The following KIF1B variants were observed in gnomAD, a reference collection of about 807,000 sequenced individuals.
The protein encoded by KIF1B is kinesin family member 1B.
A neutral mutation model predicts 241.9 loss-of-function variants in KIF1B; 76 were observed. The observed-to-expected ratio is 0.31, with a 90% CI of 0.26 to 0.38. KIF1B has a LOEUF of 0.38. Among genes scored for constraint, KIF1B ranks in the 10% least tolerant of loss-of-function variants. The pLI is 1.00. For synonymous variants in KIF1B, 750 were observed against 796.7 expected, an observed-to-expected ratio of 0.94 and a Z score of 0.99; for missense variants, 1,622 against 2,271.4, an observed-to-expected ratio of 0.71 and a Z score of 5.81.
chr1:10,311,738 T>C (rs1651074996), intron 22 of KIF1B, among the ~76,000 whole-genome samples: 1 of 151,394 alleles, frequency 6.6e-6, no homozygotes, highest in Admixed American at 6.6e-5. Context: ...CTTCTTTTCC[T>C]TGAACCTTTC....
chr1:10,231,840 T>G (rs1429495698), intron 1 of KIF1B, among the ~76,000 whole-genome samples: 2 of 152,220 alleles, frequency 1.3e-5, no homozygotes, highest in Admixed American at 6.5e-5. Flanking sequence ...CCTGTTACTT[T>G]GTAGTTACGT....
At chr1:10,371,326 C>G (rs1638727249) in intron 45 of KIF1B, 64 bp downstream of exon 45, 40 of 1,586,758 alleles carry the variant, frequency 2.5e-5, no homozygotes, top group Non-Finnish European at 3.3e-5. Flanking sequence ...CAACCTTCCT[C>G]TAGCTCAATG....
chr1:10,260,662 C>A (rs1286773505), intron 4 of KIF1B, among the ~76,000 whole-genome samples: 1 of 151,892 alleles, frequency 6.6e-6, no homozygotes, highest in African/African-American at 2.4e-5. Context: ...GTCAGGAGTT[C>A]GAGACCAGCC....
chr1:10,240,751 C>T (rs1460544683), intron 2 of KIF1B, among the ~76,000 whole-genome samples: 2 of 99,278 alleles, frequency 2.0e-5, no homozygotes, highest in African/African-American at 7.9e-5. Flanking sequence ...TTGGTAGAGA[C>T]AGAGTTCTCA....
chr1:10,327,830 T>C lies in KIF1B; in HGVS notation c.2924+1471T>C, dbSNP rs188483286. Among the ~76,000 whole-genome samples the C allele has an allele frequency of 3.5e-4, 54 of 152,336 alleles. 1 individual carries two copies. The highest frequency in any genetic ancestry group is 3.5e-3 in the Admixed American group (53 of 15,302). ...GAATCCTTTATAAATAAGGGAATTA[T>C]GTCAGTGTTAAATGGATGAGTACCA... is the stretch of plus-strand genomic sequence containing the variant. On this transcript the variant is annotated intron_variant, in intron 27 of 48. Transcript: ENST00000676179.
intron 15 of KIF1B, among the ~76,000 whole-genome samples, chr1:10,284,498 C>A (rs1460716795): frequency 6.6e-6 from 1 of 152,090 alleles, no homozygotes; most frequent in Non-Finnish European, 1.5e-5. Flanking sequence ...CCAGCCTGGC[C>A]AACATGGTGA....
At chr1:10,294,975 C>G in intron 17 of KIF1B, 111 bp from the exon 18 acceptor site, 3 of 788,786 alleles carry the variant, frequency 3.8e-6, no homozygotes, top group Non-Finnish European at 6.9e-6. Context: ...AGAAATCCCT[C>G]TCTAGGCTCT....
Position 10,365,739 on chromosome 1 carries a change from GGTGTTTGAAGGCCT to G in KIF1B, c.4752+95_4752+108del. The G allele has an allele frequency of 6.5e-7, 1 of 1,533,204 alleles. No homozygotes were observed. Among genetic ancestry groups the G allele is most frequent in the Non-Finnish European group, 9.0e-7 (1 of 1,117,128 alleles). 95.0% of individuals were successfully genotyped at this position (1,533,204 alleles called of 1,614,324 possible). On this transcript the variant is annotated intron_variant, in intron 43 of 48. Transcript: ENST00000676179. The surrounding 1 kb of genome is among the most constrained non-coding windows in gnomAD (Gnocchi z 4.0). Reference sequence around the variant, plus strand: ...ATTCATTTTCAACACCTTTGTTCGAGGTGTTTGAAGGCCTGTGATAATACTGTGAATGTAGAAAT... The same window carrying G: ...ATTCATTTTCAACACCTTTGTTCGAGGTGATAATACTGTGAATGTAGAAAT...
chr1:10,364,590 C>G (rs994672944), intron 41 of KIF1B, among the ~76,000 whole-genome samples: 5 of 152,082 alleles, frequency 3.3e-5, no homozygotes, highest in African/African-American at 1.2e-4. Context: ...AAATTGCATC[C>G]CAGTCTTCAT....
intron 22 of KIF1B, among the ~76,000 whole-genome samples, chr1:10,311,308 G>A (rs914176163): frequency 2.7e-5 from 4 of 149,618 alleles, no homozygotes; most frequent in Non-Finnish European, 4.4e-5. Context: ...TCTACCTTCC[G>A]GGTTCAAGTA....
In KIF1B at chr1:10,310,072, A is replaced by G. The variant is rs192035814; in HGVS notation, c.2116-9971A>G. 3.0e-4 allele frequency among the ~76,000 whole-genome samples: 45 copies of G among 151,580 alleles called. 5 individuals carry two copies. The highest frequency in any genetic ancestry group is 1.1e-3 in the African/African-American group (45 of 40,932). ...GTTTTAATAATGATGGCCTGTAATT[A>G]TCTTTTCTTTGTATTTGTTTGGTTC... On this transcript the variant is annotated intron_variant, in intron 22 of 48. Coordinates refer to ENST00000676179, the MANE Select transcript of KIF1B (RefSeq NM_001365951.3).
Position 10,361,019 on chromosome 1 carries a change from C to T in KIF1B, c.4146C>T (p.Tyr1382=), listed in dbSNP as rs1486200476. The part of the protein sequence containing the change: ...NRVTPYGEKI[Y]MTLSAYLELD... ...TGACACCCTATGGAGAAAAGATCTA[C>T]ATGACCTTGTCGGCCTACCTAGAGG... Residue 1382 remains tyrosine, a synonymous_variant, in exon 39 of 49, where the codon TAC becomes TAT. Coordinates refer to ENST00000676179, the MANE Select transcript of KIF1B (RefSeq NM_001365951.3). The T allele has an allele frequency of 6.2e-7, 1 of 1,613,450 alleles. No homozygotes were observed.
At chr1:10,307,037 A>G in intron 22 of KIF1B, 2 of 1,039,472 alleles carry the variant, frequency 1.9e-6, no homozygotes, top group Non-Finnish European at 1.2e-6. Flanking sequence ...AATTGGGTTT[A>G]TATTTGTGCT....
At chr1:10,284,953 G>A (rs1262007730) in intron 15 of KIF1B, among the ~76,000 whole-genome samples, 1 of 152,188 alleles carries the variant, frequency 6.6e-6, no homozygotes, top group East Asian at 1.9e-4. Flanking sequence ...ACCTAGCAAA[G>A]GGAGAAGGAG....
intron 8 of KIF1B, among the ~76,000 whole-genome samples, chr1:10,271,891 G>GGTA (rs1431552186): frequency 1.4e-4 from 22 of 152,186 alleles, no homozygotes; most frequent in Non-Finnish European, 2.5e-4. Context: ...TTAAGGAACA[G>GGTA]GTAGAATTTG....
chr1:10,236,198 G>A (rs977018837), intron 2 of KIF1B, among the ~76,000 whole-genome samples: 2 of 151,950 alleles, frequency 1.3e-5, no homozygotes, highest in African/African-American at 4.8e-5. Flanking sequence ...CTTAAACCCT[G>A]GAAGCGGAGG....
intron 45 of KIF1B, among the ~76,000 whole-genome samples, chr1:10,372,660 A>AGCTCTGTCACCC (rs1491519939): frequency 1.7e-5 from 2 of 117,568 alleles, no homozygotes; most frequent in Admixed American, 1.6e-4. Context: ...CTTGGGTGAC[A>AGCTCTGTCACCC]GAGCTGTCAC....
chr1:10,269,354 A>C (rs548147470), intron 7 of KIF1B, among the ~76,000 whole-genome samples: 1 of 151,980 alleles, frequency 6.6e-6, no homozygotes, highest in South Asian at 2.1e-4. Context: ...CTCTACTAAA[A>C]ATATAAAAAA....
At chr1:10,237,824 T>C (rs568121683) in intron 2 of KIF1B, among the ~76,000 whole-genome samples, 4 of 151,888 alleles carry the variant, frequency 2.6e-5, no homozygotes, top group Non-Finnish European at 5.9e-5. Context: ...CTGGGCAACA[T>C]GGCGAAACCC....
Sources: allele counts gnomAD v4.1 joint callset (sites outside exome capture counted in the v4.1 genomes callset), GRCh38; gene constraint gnomAD v4.1.1; non-coding constraint Gnocchi (gnomAD v3.1); transcripts MANE v1.5; gene names NCBI Gene and HGNC (gene_info 2026-07-23, HGNC 2026-07-21).